The following TEKTL1 variants were observed in gnomAD, a reference collection of about 807,000 sequenced individuals.
The protein encoded by TEKTL1 is tektin-like protein 1.
the TEKTL1 span, among the ~76,000 whole-genome samples, chr19:15,017,641 A>G: frequency 6.6e-6 from 1 of 152,138 alleles, no homozygotes; most frequent in East Asian, 1.9e-4. Flanking sequence ...CAGGAAGATC[A>G]AGATGTGGGT....
At chr19:15,016,979 G>A in the TEKTL1 span, among the ~76,000 whole-genome samples, 1 of 152,202 alleles carries the variant, frequency 6.6e-6, no homozygotes, top group Non-Finnish European at 1.5e-5. Context: ...GGCCCAAGCA[G>A]GAGAGTTGCT....
At chr19:15,023,270 T>C in the TEKTL1 span, 1 of 710,304 alleles carries the variant, frequency 1.4e-6, no homozygotes. Context: ...ACAATAATTA[T>C]CATGTATTAG....
the TEKTL1 span, chr19:15,023,173 G>T: frequency 2.7e-6 from 4 of 1,494,834 alleles, no homozygotes; most frequent in South Asian, 2.7e-5. Flanking sequence ...CTGGGACCTC[G>T]GAGAGCAGAC....
the TEKTL1 span, chr19:15,023,214 G>T: frequency 8.9e-6 from 10 of 1,129,410 alleles, no homozygotes; most frequent in Non-Finnish European, 1.2e-5. Flanking sequence ...CTCCCCTGAC[G>T]CACCCTCCCT....
At chr19:15,013,946 G>C in the TEKTL1 span, among the ~76,000 whole-genome samples, 1 of 152,182 alleles carries the variant, frequency 6.6e-6, no homozygotes, top group Admixed American at 6.5e-5. Context: ...GGTCATGGGA[G>C]ATGACGTTGG....
chr19:15,019,396 CA>C, the TEKTL1 span, among the ~76,000 whole-genome samples: 2 of 151,998 alleles, frequency 1.3e-5, no homozygotes, highest in Admixed American at 6.6e-5. Flanking sequence ...GAACTTACTA[CA>C]AAAAAATGAT....
At chr19:15,011,304 T>C in the TEKTL1 span, 1 of 1,524,364 alleles carries the variant, frequency 6.6e-7, no homozygotes, top group Non-Finnish European at 8.8e-7. Context: ...CAGCGCGAGG[T>C]CACCGACCAC....
At chr19:15,017,062 A>G in the TEKTL1 span, among the ~76,000 whole-genome samples, 1 of 152,172 alleles carries the variant, frequency 6.6e-6, no homozygotes, top group African/African-American at 2.4e-5. Context: ...CTCTACAAAA[A>G]TGTTTAAAAA....
the TEKTL1 span, among the ~76,000 whole-genome samples, chr19:15,021,029 A>G: frequency 6.6e-6 from 1 of 151,844 alleles, no homozygotes. Flanking sequence ...ACAGGCGCCC[A>G]CCACCACGCC....
At chr19:15,017,678 CA>C in the TEKTL1 span, among the ~76,000 whole-genome samples, 5 of 152,112 alleles carry the variant, frequency 3.3e-5, no homozygotes, top group African/African-American at 1.2e-4. Flanking sequence ...CTCCATGTTA[CA>C]GTGGGGAAAT....
chr19:15,020,219 G>T, the TEKTL1 span, among the ~76,000 whole-genome samples: 1 of 151,456 alleles, frequency 6.6e-6, no homozygotes, highest in Admixed American at 6.6e-5. Flanking sequence ...TAGGCAGGAG[G>T]ATTACTTGAG....
chr19:15,021,412 G>A, the TEKTL1 span: 1 of 1,614,136 alleles, frequency 6.2e-7, no homozygotes, highest in South Asian at 1.1e-5. Flanking sequence ...GGACACCTTG[G>A]TAGAAATGGC....
chr19:15,012,860 G>A, the TEKTL1 span, among the ~76,000 whole-genome samples: 10,924 of 151,980 alleles, frequency 0.072, 912 homozygotes, highest in African/African-American at 0.21. Context: ...CCCAGTCCTA[G>A]TGAAAACACA....
chr19:15,011,162 T>C, the TEKTL1 span: 1 of 1,510,888 alleles, frequency 6.6e-7, no homozygotes, highest in South Asian at 1.3e-5. Flanking sequence ...GCCGCTACCC[T>C]TGCACCGCAA....
the TEKTL1 span, chr19:15,011,278 G>A: frequency 6.6e-7 from 1 of 1,523,142 alleles, no homozygotes; most frequent in Non-Finnish European, 8.8e-7. Flanking sequence ...ACGGGCGGGT[G>A]CGACAGCTGC....
chr19:15,020,426 T>TTC, the TEKTL1 span: 2 of 1,589,202 alleles, frequency 1.3e-6, no homozygotes, highest in African/African-American at 2.7e-5. Flanking sequence ...AACCTCCCAG[T>TTC]TCTCACTCTG....
chr19:15,017,082 A>T, the TEKTL1 span, among the ~76,000 whole-genome samples: 1 of 152,142 alleles, frequency 6.6e-6, no homozygotes, highest in South Asian at 2.1e-4. Flanking sequence ...ATAACTGGGC[A>T]TGGTTAGCAT....
At chr19:15,014,300 T>G in the TEKTL1 span, among the ~76,000 whole-genome samples, 1 of 152,180 alleles carries the variant, frequency 6.6e-6, no homozygotes, top group Non-Finnish European at 1.5e-5. Flanking sequence ...TTTGGACCTG[T>G]TAAGGTTCGC....
the TEKTL1 span, among the ~76,000 whole-genome samples, chr19:15,022,622 T>C: frequency 1.3e-5 from 2 of 151,758 alleles, no homozygotes; most frequent in Non-Finnish European, 2.9e-5. Context: ...AGCCACCGCG[T>C]CCGGCCCTGA....
Sources: allele counts gnomAD v4.1 joint callset (sites outside exome capture counted in the v4.1 genomes callset), GRCh38; gene constraint gnomAD v4.1.1; transcripts MANE v1.5; gene names NCBI Gene and HGNC (gene_info 2026-07-23, HGNC 2026-07-21).